Variants in C12orf42 observed in about 807,000 individuals in gnomAD.
C12orf42 encodes uncharacterized protein C12orf42.
A neutral mutation model predicts 21.6 loss-of-function variants in C12orf42; 25 were observed. The ratio of observed to expected loss-of-function variants is 1.16; its 90% confidence interval spans 0.84 to 1.62. The LOEUF is 1.62. Ranked by LOEUF, C12orf42 falls within the 40% of genes most tolerant of loss-of-function variation. C12orf42 has a pLI of 0.00. For synonymous variants in C12orf42, 174 were observed against 175.0 expected (o/e 0.99, Z 0.05); for missense variants, 483 against 459.3 (o/e 1.05, Z -0.47).
intron 4 of C12orf42, among the ~76,000 whole-genome samples, chr12:103,362,607 G>A (rs988026522): frequency 3.3e-5 from 5 of 151,860 alleles, no homozygotes; most frequent in African/African-American, 1.2e-4. Context: ...CATGATATAA[G>A]AAATGAAGGG....
the C12orf42 span, among the ~76,000 whole-genome samples, chr12:103,194,015 C>T: frequency 6.6e-6 from 1 of 152,058 alleles, no homozygotes; most frequent in Non-Finnish European, 1.5e-5. Context: ...GCAAGCATGG[C>T]TTAACACATG....
rs376694662 is a variant in C12orf42, at chr12:103,247,416, A to C, written c.*1367-9514T>G. 1.2e-4 allele frequency among the ~76,000 whole-genome samples: 19 copies of C among 152,134 alleles called. 1 individual carries two copies. In the East Asian group the frequency reaches 1.9e-3, roughly 15 times the overall value. On this transcript the variant is annotated intron_variant and NMD_transcript_variant, in intron 10 of 10. Coordinates refer to the C12orf42 transcript ENST00000547347. ...AACATTCTGTGCATTTTATGTCAAA[A>C]AATTTTATATGTAATGAGATATTGT...
At chr12:103,327,305 G>T (rs559908466) in intron 4 of C12orf42, among the ~76,000 whole-genome samples, 1 of 152,200 alleles carries the variant, frequency 6.6e-6, no homozygotes, top group Admixed American at 6.5e-5. Context: ...CAGGTATTCT[G>T]GGCATAGGGT....
chr12:103,450,807 G>A (rs1240153531), intron 2 of C12orf42, among the ~76,000 whole-genome samples: 1 of 152,040 alleles, frequency 6.6e-6, no homozygotes, highest in African/African-American at 2.4e-5. Context: ...AAAGTAGATT[G>A]CACTGGCAGC....
At chr12:103,433,965 GT>G (rs1196835493) in intron 2 of C12orf42, among the ~76,000 whole-genome samples, 4 of 152,218 alleles carry the variant, frequency 2.6e-5, no homozygotes, top group African/African-American at 9.6e-5. Context: ...ATGGCATGAT[GT>G]TCGAGAATTT....
At chr12:103,399,277 C>T (rs1488128227) in intron 3 of C12orf42, among the ~76,000 whole-genome samples, 3 of 151,530 alleles carry the variant, frequency 2.0e-5, no homozygotes, top group Non-Finnish European at 4.4e-5. Context: ...TTTGAGTAGA[C>T]GTAATAATAG....
chr12:103,476,586 T>C (rs1418162437), intron 2 of C12orf42, among the ~76,000 whole-genome samples: 1 of 152,126 alleles, frequency 6.6e-6, no homozygotes, highest in Non-Finnish European at 1.5e-5. Flanking sequence ...AACCACTTGG[T>C]GGGAATGGAG....
At chr12:103,153,810 T>C in the C12orf42 span, among the ~76,000 whole-genome samples, 3 of 152,132 alleles carry the variant, frequency 2.0e-5, no homozygotes, top group Non-Finnish European at 4.4e-5. Flanking sequence ...ACTAACTGTG[T>C]GCCTAACAGA....
At chr12:103,526,830 G>A in the C12orf42 span, among the ~76,000 whole-genome samples, 1 of 152,176 alleles carries the variant, frequency 6.6e-6, no homozygotes, top group South Asian at 2.1e-4. Flanking sequence ...CCACAGCTTT[G>A]AGAAAATAAA....
chr12:103,162,785 A>G, the C12orf42 span: 1 of 152,232 alleles, frequency 6.6e-6, no homozygotes, highest in African/African-American at 2.4e-5. Flanking sequence ...CAAGGTTTGG[A>G]ACATAAAGTG....
intron 4 of C12orf42, among the ~76,000 whole-genome samples, chr12:103,333,956 C>T (rs1030089052): frequency 3.4e-4 from 51 of 152,208 alleles, no homozygotes; most frequent in Non-Finnish European, 1.9e-4. Flanking sequence ...GGGGCTATGA[C>T]TTCAGTGCCC....
chr12:103,383,122 C>CTTTTTTTTTTTTTTTT (rs10552452), intron 3 of C12orf42, among the ~76,000 whole-genome samples: 1 of 148,282 alleles, frequency 6.7e-6, no homozygotes, highest in Non-Finnish European at 1.5e-5. Flanking sequence ...CTGACTCATT[C>CTTTTTTTTTTTTTTTT]TTTTTTTTTT....
intron 2 of C12orf42, among the ~76,000 whole-genome samples, chr12:103,427,405 G>T (rs182370441): frequency 6.6e-6 from 1 of 150,922 alleles, no homozygotes. Flanking sequence ...ATGGTAACGG[G>T]ATCAATGCAT....
At chr12:103,137,897 G>T in the C12orf42 span, among the ~76,000 whole-genome samples, 5 of 152,004 alleles carry the variant, frequency 3.3e-5, no homozygotes, top group African/African-American at 7.3e-5. Flanking sequence ...GCATAAAGGA[G>T]GTTGGTTATG....
At chr12:103,266,932 G>A (rs572633669), downstream of C12orf42, among the ~76,000 whole-genome samples, 3 of 152,158 alleles carry the variant, frequency 2.0e-5, no homozygotes, top group African/African-American at 7.2e-5. Context: ...CCTATGGCAG[G>A]CATTTTGCTT....
At chr12:103,155,273 A>T in the C12orf42 span, 1 of 152,126 alleles carries the variant, frequency 6.6e-6, no homozygotes, top group Non-Finnish European at 1.5e-5. Flanking sequence ...TGAACAGGTG[A>T]GTTTGGTGGT....
chr12:103,288,489 T>C (rs1285894488), intron 4 of C12orf42, among the ~76,000 whole-genome samples: 1 of 152,228 alleles, frequency 6.6e-6, no homozygotes, highest in Admixed American at 6.5e-5. Flanking sequence ...CCTCGTTTAA[T>C]GCGTCCTTGT....
At chr12:103,199,923 G>A in the C12orf42 span, among the ~76,000 whole-genome samples, 2 of 152,102 alleles carry the variant, frequency 1.3e-5, no homozygotes, top group African/African-American at 2.4e-5. Context: ...ACGGTTTGGA[G>A]GTCCCCAGAA....
intron 4 of C12orf42, among the ~76,000 whole-genome samples, chr12:103,319,659 A>C (rs1015758519): frequency 1.3e-5 from 2 of 152,278 alleles, no homozygotes; most frequent in African/African-American, 4.8e-5. Flanking sequence ...TAAAGATTTC[A>C]ATAGTTCAAA....
Sources: allele counts gnomAD v4.1 joint callset (sites outside exome capture counted in the v4.1 genomes callset), GRCh38; gene constraint gnomAD v4.1.1; transcripts MANE v1.5; gene names NCBI Gene and HGNC (gene_info 2026-07-23, HGNC 2026-07-21).